DISP2: variants seen among roughly 807,000 people sequenced by gnomAD.
DISP2 encodes the protein dispatched RND transporter family member 2.
A neutral mutation model predicts 95.5 loss-of-function variants in DISP2; 59 were observed. The ratio of observed to expected loss-of-function variants is 0.62; its 90% CI spans 0.50 to 0.77. DISP2 has a LOEUF of 0.77. Ranked by LOEUF, DISP2 falls within the 30% of genes least tolerant of loss-of-function variation. The pLI is 0.00. For missense variants in DISP2, 1,752 were observed against 1,854.6 expected (o/e 0.94, Z 1.02); for synonymous variants, 827 against 815.0 (o/e 1.01, Z -0.25).
rs1055844573 is a variant in DISP2, at chr15:40,378,227, T to C, written c.*7909T>C. On this transcript the variant is annotated 3_prime_UTR_variant, in exon 8 of 8. Transcript: ENST00000267889. ...AGGACACTAAAAGAATTATTATAAC[T>C]GTATTCCATATGTACTAAGTAGAGA... 4 of 152,236 alleles carry C rather than the reference T, an allele frequency of 2.6e-5. No individual in the cohort carries two copies. The highest frequency in any genetic ancestry group is 9.7e-5 in the African/African-American group (4 of 41,450). 9.4% of individuals were successfully genotyped at this position (152,236 alleles called of 1,614,324 possible). A position where few individuals can be genotyped will look rare whatever the true frequency, so the allele number is the denominator to read the frequency against.
chr15:40,358,953 C>T (rs1034609284), intron 1 of DISP2, among the ~76,000 whole-genome samples: 8 of 152,272 alleles, frequency 5.3e-5, no homozygotes, highest in African/African-American at 1.9e-4. Context: ...GCATGACCCC[C>T]AGCTGTGCAC....
chr15:40,368,301 C>T lies in DISP2; in HGVS notation c.2189C>T (p.Pro730Leu). 6.2e-7 allele frequency: 1 copy of T among 1,605,402 alleles called. No homozygotes were observed. Among genetic ancestry groups the T allele is most frequent in the Non-Finnish European group, 8.5e-7 (1 of 1,177,176 alleles). ...GGAGTCAGCCCCCGCCTGCGGCTGC[C>T]CACGCTGCCGCCGCCCGGCGGCCAG... The part of the protein sequence containing the change: ...IAGVSPRLRL[P>L]TLPPPGGQVF... The change falls in exon 8 of 8, where the codon CCC (proline) becomes CTC (leucine). Residue 730 changes from proline to leucine, a missense_variant. Coordinates refer to ENST00000267889, the MANE Select transcript of DISP2 (RefSeq NM_033510.3).
In DISP2 at chr15:40,372,446, T is replaced by C. The variant is rs71472434; in HGVS notation, c.*2128T>C. On this transcript the variant is annotated 3_prime_UTR_variant, in exon 8 of 8. Transcript: ENST00000267889. The stretch of plus-strand genomic sequence containing the variant: ...GTGGAGCAGAAACCGAAAAGAGACA[T>C]GGGAGTTGTGGAAGAGACAGAAGGC... The C allele has an allele frequency of 0.072, 10,957 of 152,242 alleles. 653 individuals are homozygous for C. The highest frequency in any genetic ancestry group is 0.3 in the South Asian group (1,464 of 4,814). 9.4% of individuals were successfully genotyped at this position (152,242 alleles called of 1,614,324 possible).
intron 7 of DISP2, among the ~76,000 whole-genome samples, chr15:40,365,985 A>G (rs1377959035): frequency 1.3e-5 from 2 of 152,362 alleles, no homozygotes; most frequent in East Asian, 3.9e-4. Context: ...AAGGTCCTGA[A>G]AGGGCCCTCC....
Position 40,375,381 on chromosome 15 carries a change from T to C in DISP2, c.*5063T>C, listed in dbSNP as rs531029457. ...AATCACACAGCTGAGCAGATTGATG[T>C]AGATTTGAATTCATGACCACCTATC... On this transcript the variant is annotated 3_prime_UTR_variant, in exon 8 of 8. Transcript: ENST00000267889. The C allele has an allele frequency of 5.3e-5, 8 of 152,304 alleles. No individual in the cohort carries two copies. Among genetic ancestry groups the C allele is most frequent in the Admixed American group, 4.6e-4 (7 of 15,292 alleles). The allele number at this position is 152,304 out of a possible 1,614,324, so 9.4% of individuals were successfully genotyped here.
At position 40,378,605 on chromosome 15, in the gene DISP2, T is replaced by A. The variant is rs535335998; in HGVS notation, c.*8287T>A. ...TACTATCATTGTAACTTCCTGTCAATTATAACGATTCCAAAATAAAGAATT... is the reference window on the plus strand; with the variant it reads ...TACTATCATTGTAACTTCCTGTCAAATATAACGATTCCAAAATAAAGAATT... On this transcript the variant is annotated 3_prime_UTR_variant, in exon 8 of 8. Transcript: ENST00000267889. The A allele has an allele frequency of 3.3e-5, 5 of 151,852 alleles. No individual in the cohort carries two copies. The South Asian group carries it at 8.3e-4, about 25-fold the overall frequency. The allele number at this position is 151,852 out of a possible 1,614,324, so 9.4% of individuals were successfully genotyped here.
In DISP2 at chr15:40,371,115, T is replaced by C. The variant is rs1889637852; in HGVS notation, c.*797T>C. On this transcript the variant is annotated 3_prime_UTR_variant, in exon 8 of 8. Transcript: ENST00000267889. The stretch of plus-strand genomic sequence containing the variant: ...TCACTACAGGGTAGCCTGACATTGG[T>C]CAGGTTCTTTTGACACCCAATTTAT... 1 of 154,468 alleles carries C rather than the reference T, an allele frequency of 6.5e-6. No homozygotes were observed. Among genetic ancestry groups the C allele is most frequent in the African/African-American group, 2.4e-5 (1 of 41,476 alleles). The allele number at this position is 154,468 out of a possible 1,614,324, so 9.6% of individuals were successfully genotyped here. A position where few individuals can be genotyped will look rare whatever the true frequency, so the allele number is the denominator to read the frequency against.
Position 40,368,369 on chromosome 15 carries a change from T to C in DISP2, c.2257T>C (p.Tyr753His), listed in dbSNP as rs139433446. ...SHPFERFDAE[Y>H]RQLFLFEQLP... ...CCCCTTCGAGCGCTTCGACGCGGAG[T>C]ATCGCCAGCTGTTCCTGTTCGAGCA... Residue 753 changes from tyrosine (Y) to histidine (H), a missense_variant, in exon 8 of 8, where the codon TAT becomes CAT. Physicochemically the swap from Tyr to His is moderately conservative, Grantham distance 83 (BLOSUM62 2). Around this residue, in one of 5 missense-constraint regions of DISP2, gnomAD observed 732 missense variants for 714.6 expected, o/e 1.02. Coordinates refer to ENST00000267889, the MANE Select transcript of DISP2 (RefSeq NM_033510.3). 3 of 1,606,400 alleles carry C rather than the reference T, an allele frequency of 1.9e-6. No individual in the cohort carries two copies. In the African/African-American group the frequency reaches 4.0e-5, roughly 21 times the overall value.
chr15:40,358,466 G>T lies in DISP2; in HGVS notation c.119+26G>T, dbSNP rs780729380. 4.0e-6 allele frequency: 5 copies of T among 1,256,730 alleles called. No homozygotes were observed. In the South Asian group the frequency reaches 1.2e-4, roughly 30 times the overall value. 77.8% of individuals were successfully genotyped at this position (1,256,730 alleles called of 1,614,324 possible). On this transcript the variant is annotated intron_variant, in intron 1 of 7. Coordinates refer to ENST00000267889, the MANE Select transcript of DISP2 (RefSeq NM_033510.3). ...GTAGGGCGGACAGCTCCGCAGATCC[G>T]TATCACAGACCCTCCCAGACCCTCC... is the stretch of plus-strand genomic sequence containing the variant.
Position 40,365,623 on chromosome 15 carries a change from T to C in DISP2, c.848-5T>C. ...TGAGCTCCAGGTTGCGGGGGTATGTTGCAGAGAAGAGCTATGCAAAGCTGG... is the reference window on the plus strand; with the variant it reads ...TGAGCTCCAGGTTGCGGGGGTATGTCGCAGAGAAGAGCTATGCAAAGCTGG... On this transcript the variant is annotated splice_polypyrimidine_tract_variant and splice_region_variant and intron_variant, in intron 6 of 7. Coordinates refer to ENST00000267889, the MANE Select transcript of DISP2 (RefSeq NM_033510.3). The C allele has an allele frequency of 6.2e-7, 1 of 1,614,062 alleles. No homozygotes were observed. The highest frequency in any genetic ancestry group is 1.1e-5 in the South Asian group (1 of 91,084).
rs76331864 is a variant in DISP2, at chr15:40,367,842, G to A, written c.1730G>A (p.Gly577Glu). The A allele has an allele frequency of 1.2e-4, 198 of 1,600,992 alleles. No individual in the cohort carries two copies. The highest frequency in any genetic ancestry group is 8.9e-4 in the African/African-American group (67 of 74,918). The change falls in exon 8 of 8, where the codon GGG (glycine) becomes GAG (glutamate). Residue 577 changes from glycine (G) to glutamate (E), a missense_variant. Transcript: ENST00000267889. ...AGCAAGAGCCAGCTGCCGTCGGGGGGGCTGGCGCAGCGCGTGGGCCGCACC... is the reference window on the plus strand; with the variant it reads ...AGCAAGAGCCAGCTGCCGTCGGGGGAGCTGGCGCAGCGCGTGGGCCGCACC... ...RLSKSQLPSG[G>E]LAQRVGRTMH...
At position 40,368,465 on chromosome 15, in the gene DISP2, G is replaced by A. The variant is rs1221516713; in HGVS notation, c.2353G>A (p.Asp785Asn). The change falls in exon 8 of 8, where the codon GAC becomes AAC. Residue 785 changes from aspartate (D) to asparagine (N), a missense_variant. Around this residue, in one of 5 missense-constraint regions of DISP2, gnomAD observed 732 missense variants for 714.6 expected, o/e 1.02. Transcript: ENST00000267889. ...VWGVLPVDTGDPLDPRSNSSL... is the reference protein window; with the variant it reads ...VWGVLPVDTGNPLDPRSNSSL... ...GGGCGTCCTGCCTGTGGACACTGGC[G>A]ACCCTCTGGACCCTCGTAGCAACAG... is the stretch of plus-strand genomic sequence containing the variant. 11 of 1,608,782 alleles carry A rather than the reference G, an allele frequency of 6.8e-6. No individual in the cohort carries two copies. Among genetic ancestry groups the A allele is most frequent in the East Asian group, 2.2e-5 (1 of 44,868 alleles).
chr15:40,371,982 C>G lies in DISP2; in HGVS notation c.*1664C>G, dbSNP rs1482402760. ...GAAAGGCTTTCTGGAGGAGGAAAAA[C>G]TTGAGCTGGGCTTCAGAAGACCAAG... is the stretch of plus-strand genomic sequence containing the variant. On this transcript the variant is annotated 3_prime_UTR_variant, in exon 8 of 8. Coordinates refer to ENST00000267889, the MANE Select transcript of DISP2 (RefSeq NM_033510.3). 5 of 152,208 alleles carry G rather than the reference C, an allele frequency of 3.3e-5. No homozygotes were observed. The highest frequency in any genetic ancestry group is 1.2e-4 in the African/African-American group (5 of 41,450). 9.4% of individuals were successfully genotyped at this position (152,208 alleles called of 1,614,324 possible).
rs1305056046 is a variant in DISP2, at chr15:40,376,155, AT to A, written c.*5838del. On this transcript the variant is annotated 3_prime_UTR_variant, in exon 8 of 8. Coordinates refer to ENST00000267889, the MANE Select transcript of DISP2 (RefSeq NM_033510.3). Reference sequence around the variant, plus strand: ...ATAAATATATATTAAAAAGGAAAAAATAATAAAAATTTTTAAAAATAATTCA... The same window carrying A: ...ATAAATATATATTAAAAAGGAAAAAAAATAAAAATTTTTAAAAATAATTCA... 1 of 151,898 alleles carries A rather than the reference AT, an allele frequency of 6.6e-6. No homozygotes were observed. The highest frequency in any genetic ancestry group is 2.1e-4 in the South Asian group (1 of 4,836). The allele number at this position is 151,898 out of a possible 1,614,324, so 9.4% of individuals were successfully genotyped here.
chr15:40,367,586 C>T lies in DISP2; in HGVS notation c.1474C>T (p.Pro492Ser), dbSNP rs1889522237. 2 of 1,613,826 alleles carry T rather than the reference C, an allele frequency of 1.2e-6. No homozygotes were observed. Among genetic ancestry groups the T allele is most frequent in the South Asian group, 2.2e-5 (2 of 91,072 alleles). The change falls in exon 8 of 8, where the codon CCC becomes TCC. Residue 492 changes from proline to serine, a missense_variant. Physicochemically the swap from Pro to Ser is moderately conservative, Grantham distance 74. Coordinates refer to ENST00000267889, the MANE Select transcript of DISP2 (RefSeq NM_033510.3). ...CTTCCTGGTCCAGGACACGGTGTACCCCTTGCTGGCTCTGGTTGCCATCTT... is the reference window on the plus strand; with the variant it reads ...CTTCCTGGTCCAGGACACGGTGTACTCCTTGCTGGCTCTGGTTGCCATCTT... ...RHFLVQDTVY[P>S]LLALVAIFFG...
Position 40,376,773 on chromosome 15 carries a change from C to G in DISP2, c.*6455C>G, listed in dbSNP as rs1889736335. 6.6e-6 allele frequency: 1 copy of G among 152,122 alleles called. No homozygotes were observed. Among genetic ancestry groups the G allele is most frequent in the African/African-American group, 2.4e-5 (1 of 41,416 alleles). 9.4% of individuals were successfully genotyped at this position (152,122 alleles called of 1,614,324 possible). On this transcript the variant is annotated 3_prime_UTR_variant, in exon 8 of 8. Transcript: ENST00000267889. ...TGAGCCATAATCACATTATGGCACT[C>G]CAGCCTGGCAACAGAGCGAGACCTT...
At chr15:40,364,728 G>A in intron 4 of DISP2, 110 bp from the exon 5 acceptor site, 1 of 1,390,158 alleles carries the variant, frequency 7.2e-7, no homozygotes, top group South Asian at 1.4e-5. Flanking sequence ...AATTCAGGCA[G>A]GCGGGCTGGC....
intron 2 of DISP2, 134 bp downstream of exon 2, chr15:40,364,088 T>C: frequency 6.7e-7 from 1 of 1,497,070 alleles, no homozygotes; most frequent in Non-Finnish European, 9.1e-7. Context: ...GGGTTGGAAC[T>C]TGGGAGTGGC....
chr15:40,363,552 T>C (rs919487127), intron 1 of DISP2, 73 bp from the exon 2 acceptor site: 3 of 1,118,132 alleles, frequency 2.7e-6, no homozygotes, highest in Admixed American at 5.3e-5. Context: ...CTTACTGAAC[T>C]GAATAATGCT....
Sources: allele counts gnomAD v4.1 joint callset (sites outside exome capture counted in the v4.1 genomes callset), GRCh38; gene constraint gnomAD v4.1.1; regional missense constraint gnomAD v4.1.1; transcripts MANE v1.5; gene names NCBI Gene and HGNC (gene_info 2026-07-23, HGNC 2026-07-21).